BCAS3: variants seen among roughly 807,000 people sequenced by gnomAD.
BCAS3 encodes BCAS3 microtubule associated cell migration factor.
Under a neutral mutation model 116.1 loss-of-function variants are expected in BCAS3, and 53 were observed. That is an observed-to-expected ratio of 0.46 (90% CI 0.37 to 0.57). BCAS3 has a LOEUF of 0.57. BCAS3 is among the 20% of genes least tolerant of loss of function. The pLI, the probability that BCAS3 is intolerant of heterozygous loss-of-function variation, is 0.00. For missense variants in BCAS3, 917 were observed against 1,165.4 expected (o/e 0.79, Z 3.10); for synonymous variants, 391 against 408.2 (o/e 0.96, Z 0.51).
At chr17:60,891,938 A>G (rs2057180322) in intron 10 of BCAS3, among the ~76,000 whole-genome samples, 1 of 152,172 alleles carries the variant, frequency 6.6e-6, no homozygotes, top group African/African-American at 2.4e-5. Context: ...ACTTAAGGTA[A>G]TGGCCTCCAG....
chr17:60,951,305 CTT>C (rs1459595080), intron 14 of BCAS3, among the ~76,000 whole-genome samples: 1 of 152,014 alleles, frequency 6.6e-6, no homozygotes, highest in Non-Finnish European at 1.5e-5. Context: ...TAGCTATACT[CTT>C]TGCTTTTTGA....
intron 22 of BCAS3, among the ~76,000 whole-genome samples, chr17:61,317,395 A>G (rs2054832910): frequency 6.6e-6 from 1 of 152,218 alleles, no homozygotes; most frequent in African/African-American, 2.4e-5. Flanking sequence ...ATCTACTGGC[A>G]GTGTATTGCC....
In BCAS3 at chr17:61,131,565, C is replaced by T. The variant is rs1420380487; in HGVS notation, c.2425+47001C>T. Among the ~76,000 whole-genome samples, 2 of 152,288 alleles carry T rather than the reference C, an allele frequency of 1.3e-5. No homozygotes were observed. The highest frequency in any genetic ancestry group is 1.9e-4 in the East Asian group (1 of 5,180). ...AGATTTTAAAATAAAGCCTAAACAT[C>T]GGTCCCTTCCTTCTTCATTAATTTA... On this transcript the variant is annotated intron_variant, in intron 22 of 23. Coordinates refer to ENST00000407086, the MANE Select transcript of BCAS3 (RefSeq NM_017679.5). This position sits in a 1 kb window ranked among gnomAD's most constrained non-coding sequence, Gnocchi z 4.4.
chr17:61,385,391 C>A (rs753412179), intron 23 of BCAS3, among the ~76,000 whole-genome samples: 5 of 152,220 alleles, frequency 3.3e-5, no homozygotes, highest in Non-Finnish European at 7.3e-5. Flanking sequence ...GGGTGCAGGC[C>A]CCTTGCTGAC....
chr17:60,808,917 A>AT (rs1346924814), intron 7 of BCAS3, among the ~76,000 whole-genome samples: 2 of 152,208 alleles, frequency 1.3e-5, no homozygotes, highest in Admixed American at 1.3e-4. Context: ...ATTGCAGCAG[A>AT]TGAGAAGGAC....
chr17:61,094,892 T>C (rs1388306117), intron 22 of BCAS3, among the ~76,000 whole-genome samples: 1 of 152,228 alleles, frequency 6.6e-6, no homozygotes, highest in Non-Finnish European at 1.5e-5. Context: ...ACTAATATGA[T>C]TTTTTGCATA....
At chr17:60,684,336 AGT>A (rs2143816673) in intron 3 of BCAS3, among the ~76,000 whole-genome samples, 1 of 152,216 alleles carries the variant, frequency 6.6e-6, no homozygotes, top group Admixed American at 6.6e-5. Flanking sequence ...GTCCTATTTA[AGT>A]GTTGCCTGCC....
intron 5 of BCAS3, among the ~76,000 whole-genome samples, chr17:60,727,728 C>G (rs964689519): frequency 8.5e-5 from 13 of 152,056 alleles, no homozygotes; most frequent in Non-Finnish European, 1.9e-4. Flanking sequence ...TTGTTACAAT[C>G]CATGAACATA....
chr17:60,951,932 T>G (rs1324019234), intron 14 of BCAS3, among the ~76,000 whole-genome samples: 1 of 151,796 alleles, frequency 6.6e-6, no homozygotes, highest in Non-Finnish European at 1.5e-5. Flanking sequence ...CCACCACACC[T>G]AGCTAATTTT....
At position 61,302,339 on chromosome 17, in the gene BCAS3, C is replaced by T. The variant is rs2053520297; in HGVS notation, c.2426-65988C>T. 6.6e-6 allele frequency among the ~76,000 whole-genome samples: 1 copy of T among 152,196 alleles called. No homozygotes were observed. Among genetic ancestry groups the T allele is most frequent in the Admixed American group, 6.5e-5 (1 of 15,272 alleles). ...GACGACTTCAAGTATTCAGCAATAACTCATGTCCACTTAATGTGAAAATTG... is the reference window on the plus strand; with the variant it reads ...GACGACTTCAAGTATTCAGCAATAATTCATGTCCACTTAATGTGAAAATTG... On this transcript the variant is annotated intron_variant, in intron 22 of 23. Coordinates refer to ENST00000407086, the MANE Select transcript of BCAS3 (RefSeq NM_017679.5). This position sits in a 1 kb window ranked among gnomAD's most constrained non-coding sequence, Gnocchi z 4.4.
chr17:61,262,963 A>T (rs942363885), intron 22 of BCAS3, among the ~76,000 whole-genome samples: 1 of 152,230 alleles, frequency 6.6e-6, no homozygotes, highest in Non-Finnish European at 1.5e-5. Context: ...AAGTGCTGGG[A>T]TTACAGGCAT....
Position 61,181,842 on chromosome 17 carries a change from A to C in BCAS3, c.2425+97278A>C, listed in dbSNP as rs1164008906. 1.3e-5 allele frequency among the ~76,000 whole-genome samples: 2 copies of C among 150,124 alleles called. No individual in the cohort carries two copies. Among genetic ancestry groups the C allele is most frequent in the Non-Finnish European group, 3.0e-5 (2 of 67,678 alleles). ...AAACTTTTTAGTTGCTTAATATTTT[A>C]TTTCTAATACCAAAAGTCTTGCTTT... On this transcript the variant is annotated intron_variant, in intron 22 of 23. Coordinates refer to ENST00000407086, the MANE Select transcript of BCAS3 (RefSeq NM_017679.5). The surrounding 1 kb of genome is among the most constrained non-coding windows in gnomAD (Gnocchi z 5.0).
At chr17:60,894,512 A>G (rs1014137702) in intron 10 of BCAS3, among the ~76,000 whole-genome samples, 1 of 152,180 alleles carries the variant, frequency 6.6e-6, no homozygotes, top group Non-Finnish European at 1.5e-5. Flanking sequence ...GTCATCAGCA[A>G]AGAGGGGCAA....
In BCAS3 at chr17:61,346,160, A is replaced by G. The variant is rs770380169; in HGVS notation, c.2426-22167A>G. Among the ~76,000 whole-genome samples the G allele has an allele frequency of 6.6e-6, 1 of 152,212 alleles. No individual in the cohort carries two copies. Among genetic ancestry groups the G allele is most frequent in the South Asian group, 2.1e-4 (1 of 4,834 alleles). ...AGGAGTTGACTTAGAAGGCCTGCAG[A>G]GTCCAGTGACAAGGATGTTTGGGAC... On this transcript the variant is annotated intron_variant, in intron 22 of 23. Transcript: ENST00000407086. This position sits in a 1 kb window ranked among gnomAD's most constrained non-coding sequence, Gnocchi z 5.4.
intron 5 of BCAS3, among the ~76,000 whole-genome samples, chr17:60,723,786 T>C (rs2039513640): frequency 6.9e-6 from 1 of 144,704 alleles, no homozygotes; most frequent in Non-Finnish European, 1.5e-5. Context: ...TGGTGCGATC[T>C]CGGCTCATTG....
chr17:60,799,120 T>C (rs1484353906), intron 6 of BCAS3, among the ~76,000 whole-genome samples: 1 of 152,188 alleles, frequency 6.6e-6, no homozygotes, highest in Non-Finnish European at 1.5e-5. Context: ...TCATTCTTTT[T>C]ACTTTTACTT....
intron 7 of BCAS3, among the ~76,000 whole-genome samples, chr17:60,811,664 A>G (rs376010840): frequency 4.2e-4 from 64 of 152,366 alleles, no homozygotes; most frequent in African/African-American, 1.5e-3. Flanking sequence ...TATAGCAATA[A>G]CTCAACAAAT....
At chr17:60,952,540 A>AGGTG (rs2060901964) in intron 14 of BCAS3, among the ~76,000 whole-genome samples, 1 of 151,548 alleles carries the variant, frequency 6.6e-6, no homozygotes, top group African/African-American at 2.4e-5. Flanking sequence ...GGCTGGCCTC[A>AGGTG]AACTCCTGAC....
At position 61,324,235 on chromosome 17, in the gene BCAS3, G is replaced by A. The variant is rs1440455173; in HGVS notation, c.2426-44092G>A. Among the ~76,000 whole-genome samples, 3 of 152,186 alleles carry A rather than the reference G, an allele frequency of 2.0e-5. No individual in the cohort carries two copies. The highest frequency in any genetic ancestry group is 1.3e-4 in the Admixed American group (2 of 15,278). On this transcript the variant is annotated intron_variant, in intron 22 of 23. Coordinates refer to ENST00000407086, the MANE Select transcript of BCAS3 (RefSeq NM_017679.5). The surrounding 1 kb of genome is among the most constrained non-coding windows in gnomAD (Gnocchi z 4.6). ...TCGAGAAATGTTTCAATCAGTGAGT[G>A]AATTAGAGGCGGGAGAGACCCTACC...
Sources: gnomAD v4.1 joint callset for allele counts (sites outside exome capture counted in the v4.1 genomes callset) on GRCh38, gnomAD v4.1.1 for gene constraint, Gnocchi (gnomAD v3.1) non-coding constraint, MANE v1.5 for transcripts, NCBI Gene and HGNC (gene_info 2026-07-23, HGNC 2026-07-21) for gene names.